Variants in RALYL observed in about 807,000 individuals in gnomAD.
The protein encoded by RALYL is RALY RNA binding protein like.
A neutral mutation model predicts 35.1 loss-of-function variants in RALYL; 29 were observed. That is an observed-to-expected ratio of 0.83 (90% CI 0.61 to 1.13). The LOEUF (loss-of-function observed/expected upper bound fraction) is 1.13. Ranked by LOEUF, RALYL falls within the 50% of genes most tolerant of loss-of-function variation. The pLI is 0.00. For synonymous variants in RALYL, 120 were observed against 127.6 expected (o/e 0.94, Z 0.40); for missense variants, 359 against 360.4 (o/e 1.00, Z 0.03).
chr8:84,268,854 A>G (rs1237823721), intron 1 of RALYL, among the ~76,000 whole-genome samples: 4 of 152,348 alleles, frequency 2.6e-5, no homozygotes, highest in Middle Eastern at 3.4e-3. Context: ...ATAAGTTCCC[A>G]TAAGGCAAGG....
chr8:84,724,364 A>T (rs1844555008), intron 2 of RALYL, among the ~76,000 whole-genome samples: 1 of 151,854 alleles, frequency 6.6e-6, no homozygotes, highest in South Asian at 2.1e-4. Flanking sequence ...TAAATAATTC[A>T]TCATCATGTA....
intron 7 of RALYL, among the ~76,000 whole-genome samples, chr8:84,876,701 TTCTCAC>T (rs1458476035): frequency 8.8e-6 from 1 of 113,390 alleles, no homozygotes; most frequent in Non-Finnish European, 1.6e-5. Flanking sequence ...TTCAATTTTA[TTCTCAC>T]TGTTATTCCT....
chr8:84,828,185 CATATG>C (rs939938071), intron 4 of RALYL, among the ~76,000 whole-genome samples: 2 of 152,000 alleles, frequency 1.3e-5, no homozygotes, highest in Non-Finnish European at 2.9e-5. Context: ...TAATTTTATG[CATATG>C]ATAAGAAACA....
At chr8:84,904,241 T>C (rs1187696133) in intron 8 of RALYL, among the ~76,000 whole-genome samples, 1 of 152,156 alleles carries the variant, frequency 6.6e-6, no homozygotes, top group Non-Finnish European at 1.5e-5. Context: ...AAGGTCTATT[T>C]GTAATTCACT....
At chr8:84,516,839 G>A (rs567081775) in intron 1 of RALYL, among the ~76,000 whole-genome samples, 16 of 152,200 alleles carry the variant, frequency 1.1e-4, no homozygotes, top group South Asian at 2.1e-4. Context: ...TTTTAATACC[G>A]ATATTTGTAA....
At chr8:84,461,674 T>A (rs1168621862) in intron 1 of RALYL, among the ~76,000 whole-genome samples, 2 of 151,754 alleles carry the variant, frequency 1.3e-5, no homozygotes, top group Admixed American at 1.3e-4. Context: ...AATGTTATAC[T>A]TCTTCATGGC....
At chr8:84,870,582 T>TAC (rs1840025752) in intron 6 of RALYL, among the ~76,000 whole-genome samples, 2 of 48,574 alleles carry the variant, frequency 4.1e-5, no homozygotes, top group African/African-American at 7.5e-4. Flanking sequence ...GTAATGTATA[T>TAC]ATATATATAT....
At chr8:84,518,823 T>G (rs925036556) in intron 1 of RALYL, among the ~76,000 whole-genome samples, 4 of 152,256 alleles carry the variant, frequency 2.6e-5, no homozygotes, top group Middle Eastern at 3.4e-3. Context: ...TCTTAACTCC[T>G]GAGGGAGCTG....
chr8:84,326,081 C>G (rs112245316), intron 1 of RALYL, among the ~76,000 whole-genome samples: 4,124 of 152,214 alleles, frequency 0.027, 102 homozygotes, highest in Non-Finnish European at 0.031. Context: ...CACTGTACTC[C>G]AGCCTGGGCC....
At chr8:84,790,458 T>C (rs1022925154) in intron 3 of RALYL, among the ~76,000 whole-genome samples, 1 of 152,044 alleles carries the variant, frequency 6.6e-6, no homozygotes, top group Non-Finnish European at 1.5e-5. Flanking sequence ...ATGAACAGAG[T>C]TTGCCCAAAG....
At chr8:84,435,244 A>G (rs1184152213) in intron 1 of RALYL, among the ~76,000 whole-genome samples, 1 of 152,300 alleles carries the variant, frequency 6.6e-6, no homozygotes, top group East Asian at 1.9e-4. Flanking sequence ...TAGAATTCAT[A>G]GCTATATGTA....
intron 1 of RALYL, among the ~76,000 whole-genome samples, chr8:84,415,900 A>G (rs2044649397): frequency 6.6e-6 from 1 of 152,234 alleles, no homozygotes; most frequent in South Asian, 2.1e-4. Context: ...TCTCTAACAC[A>G]CTTGTCAGTG....
intron 2 of RALYL, among the ~76,000 whole-genome samples, chr8:84,544,030 T>C (rs1299549537): frequency 6.6e-6 from 1 of 152,084 alleles, no homozygotes; most frequent in Non-Finnish European, 1.5e-5. Flanking sequence ...CATTATGATA[T>C]CTGAAAAGAG....
intron 2 of RALYL, among the ~76,000 whole-genome samples, chr8:84,681,985 A>C (rs1172625774): frequency 6.6e-6 from 1 of 152,138 alleles, no homozygotes; most frequent in African/African-American, 2.4e-5. Flanking sequence ...TTTGTCATAG[A>C]TAGCTCTTAT....
chr8:84,524,991 T>C (rs2058762672), intron 1 of RALYL, among the ~76,000 whole-genome samples: 1 of 100,440 alleles, frequency 1.0e-5, no homozygotes, highest in Non-Finnish European at 2.3e-5. Context: ...GCAAGATCCC[T>C]GTTAGCCTTT....
intron 2 of RALYL, among the ~76,000 whole-genome samples, chr8:84,549,956 A>T (rs1169624185): frequency 6.6e-6 from 1 of 152,100 alleles, no homozygotes; most frequent in Non-Finnish European, 1.5e-5. Context: ...TATGAGGAAC[A>T]TTTGTGGAGT....
At chr8:84,536,666 A>G (rs1157463741) in intron 2 of RALYL, among the ~76,000 whole-genome samples, 1 of 152,234 alleles carries the variant, frequency 6.6e-6, no homozygotes, top group Non-Finnish European at 1.5e-5. Context: ...TGCAGGTAAT[A>G]AATAGCACTT....
intron 6 of RALYL, among the ~76,000 whole-genome samples, chr8:84,872,197 T>G (rs1840311577): frequency 6.6e-6 from 1 of 152,148 alleles, no homozygotes; most frequent in Non-Finnish European, 1.5e-5. Flanking sequence ...CTTTAAAATC[T>G]TTCATCTCTG....
intron 2 of RALYL, among the ~76,000 whole-genome samples, chr8:84,669,284 A>C (rs1371887841): frequency 1.3e-5 from 2 of 152,128 alleles, no homozygotes; most frequent in African/African-American, 2.4e-5. Flanking sequence ...GTGATCATGA[A>C]TAGTCTCTGG....
Sources: gnomAD v4.1 joint callset for allele counts (sites outside exome capture counted in the v4.1 genomes callset) on GRCh38, gnomAD v4.1.1 for gene constraint, MANE v1.5 for transcripts, NCBI Gene and HGNC (gene_info 2026-07-23, HGNC 2026-07-21) for gene names.